FBN3: variants seen among roughly 807,000 people sequenced by gnomAD.
FBN3 encodes fibrillin 3.
A neutral mutation model predicts 330.1 loss-of-function variants in FBN3; 234 were observed. The ratio of observed to expected loss-of-function variants is 0.71; its 90% CI spans 0.64 to 0.79. The LOEUF (loss-of-function observed/expected upper bound fraction) is 0.79. Among genes scored for constraint, FBN3 ranks in the 30% least tolerant of loss-of-function variants. The pLI, the probability that FBN3 is intolerant of heterozygous loss-of-function variation, is 0.00. For synonymous variants in FBN3, 1,458 were observed against 1,517.3 expected (o/e 0.96, Z 0.91); for missense variants, 3,606 against 3,886.9 (o/e 0.93, Z 1.92).
Position 8,112,048 on chromosome 19 carries a change from C to T in FBN3, c.3890G>A (p.Cys1297Tyr), listed in dbSNP as rs2082600336. The change falls in exon 31 of 64, where the codon TGT becomes TAT. Residue 1297 changes from cysteine to tyrosine, a missense_variant. Cys to Tyr is a radical substitution (Grantham distance 194). Transcript: ENST00000600128. ...GGHNCDSHAS[C>Y]LNIPGSFSCR... is the part of the protein sequence containing the mutation. ...GCTGAAACTCCCCGGGATGTTGAGA[C>T]AGGAGGCGTGACTGTCACAGTTGTG... is the stretch of plus-strand genomic sequence containing the variant. The T allele has an allele frequency of 1.9e-6, 3 of 1,613,286 alleles. No individual in the cohort carries two copies. Among genetic ancestry groups the T allele is most frequent in the East Asian group, 2.2e-5 (1 of 44,856 alleles).
At chr19:8,130,639 A>AGGAAGGAAGGAAGGAAAGGAAAG (rs58509229) in intron 16 of FBN3, among the ~76,000 whole-genome samples, 1 of 3,960 alleles carries the variant, frequency 2.5e-4, no homozygotes, top group African/African-American at 2.1e-3. Flanking sequence ...AAAGAAAGAA[A>AGGAAGGAAGGAAGGAAAGGAAAG]GAAAGGAAAG....
At chr19:8,111,487 C>G (rs1599368022) in intron 32 of FBN3, among the ~76,000 whole-genome samples, 161 bp downstream of exon 32, 1 of 152,088 alleles carries the variant, frequency 6.6e-6, no homozygotes, top group African/African-American at 2.4e-5. Flanking sequence ...GTGGGCAGGC[C>G]GCAGCACCGC....
chr19:8,129,656 G>GT lies in FBN3; in HGVS notation c.2045-292dup, dbSNP rs2083080048. 6.6e-6 allele frequency among the ~76,000 whole-genome samples: 1 copy of GT among 152,128 alleles called. No individual in the cohort carries two copies. The highest frequency in any genetic ancestry group is 2.4e-5 in the African/African-American group (1 of 41,428). On this transcript the variant is annotated intron_variant, in intron 16 of 63. Coordinates refer to ENST00000600128, the MANE Select transcript of FBN3 (RefSeq NM_032447.5). The surrounding 1 kb of genome is among the most constrained non-coding windows in gnomAD (Gnocchi z 4.5). Reference sequence around the variant, plus strand: ...GATGTCAGTAGCACCCACCGCCCCAGTATTACTCCAGACATTGTCAAATGA... The same window carrying GT: ...GATGTCAGTAGCACCCACCGCCCCAGTTATTACTCCAGACATTGTCAAATGA...
rs1555755904 is a variant in FBN3 at position 8,141,384 on chromosome 19, A to AAG, written c.865+331_865+332dup. 3.7e-4 allele frequency among the ~76,000 whole-genome samples: 54 copies of AAG among 146,582 alleles called. 1 individual carries two copies. The highest frequency in any genetic ancestry group is 1.1e-3 in the African/African-American group (44 of 38,834). On this transcript the variant is annotated intron_variant, in intron 8 of 63. Coordinates refer to ENST00000600128, the MANE Select transcript of FBN3 (RefSeq NM_032447.5). ...CTGTCTCAAAAAAAAAAAAAAAAAA[A>AAG]AGAGAGAGACAGACAGCTGAACAAG...
intron 63 of FBN3, among the ~76,000 whole-genome samples, chr19:8,071,368 T>A (rs763273700): frequency 2.6e-5 from 4 of 152,144 alleles, no homozygotes; most frequent in Non-Finnish European, 5.9e-5. Flanking sequence ...GTTCAGGAAC[T>A]CCAGGAGCAC....
chr19:8,087,324 C>A (rs1249322920), intron 53 of FBN3, 113 bp from the exon 54 acceptor site: 2 of 1,192,208 alleles, frequency 1.7e-6, no homozygotes, highest in Admixed American at 6.3e-5. Context: ...CCCTGCAGAC[C>A]CTGTCAAATG....
chr19:8,139,251 G>T (rs545292667), intron 8 of FBN3, among the ~76,000 whole-genome samples: 1 of 152,182 alleles, frequency 6.6e-6, no homozygotes, highest in Admixed American at 6.5e-5. Context: ...GGAGGCTGAG[G>T]CAGGAGAATC....
Position 8,083,251 on chromosome 19 carries a change from G to A in FBN3, c.7209C>T (p.Cys2403=). 1.2e-6 allele frequency: 2 copies of A among 1,614,038 alleles called. No homozygotes were observed. The highest frequency in any genetic ancestry group is 1.7e-6 in the Non-Finnish European group (2 of 1,180,028). Residue 2403 remains cysteine, a synonymous_variant, in exon 57 of 64, where the codon TGC becomes TGT. Transcript: ENST00000600128. ...GYTPDATATT[C]LDMDECSQVP... ...GGTGCAGAGGGCTGGGCTCACCCAGGCAGGTAGTAGCAGTAGCATCCGGTG... is the reference window on the plus strand; with the variant it reads ...GGTGCAGAGGGCTGGGCTCACCCAGACAGGTAGTAGCAGTAGCATCCGGTG...
chr19:8,125,331 T>C lies in FBN3; in HGVS notation c.2731+561A>G, dbSNP rs886277250. On this transcript the variant is annotated intron_variant, in intron 22 of 63. Transcript: ENST00000600128. ...CAGGAGATCAAGGTACAAAAATCAGTTGAACCCAGGAAGTGCAAGTTGTAG... is the reference window on the plus strand; with the variant it reads ...CAGGAGATCAAGGTACAAAAATCAGCTGAACCCAGGAAGTGCAAGTTGTAG... Among the ~76,000 whole-genome samples, 21 of 152,046 alleles carry C rather than the reference T, an allele frequency of 1.4e-4. 1 individual carries two copies. Among genetic ancestry groups the C allele is most frequent in the Non-Finnish European group, 3.1e-4 (21 of 68,006 alleles).
chr19:8,123,486 A>G lies in FBN3; in HGVS notation c.3060T>C (p.Asp1020=). Reference sequence around the variant, plus strand: ...TACCTGTGCAGTTCCGTTCCTGGGCATCCAGGGCGAAGCCCCCCGCACAGG... The same window carrying G: ...TACCTGTGCAGTTCCGTTCCTGGGCGTCCAGGGCGAAGCCCCCCGCACAGG... ...HCACAGGFAL[D]AQERNCTDID... is the part of the protein sequence containing the mutation. Residue 1020 remains aspartate (D), a synonymous_variant, in exon 24 of 64, where the codon GAT becomes GAC. Coordinates refer to ENST00000600128, the MANE Select transcript of FBN3 (RefSeq NM_032447.5). 1 of 1,614,004 alleles carries G rather than the reference A, an allele frequency of 6.2e-7. No individual in the cohort carries two copies. Among genetic ancestry groups the G allele is most frequent in the South Asian group, 1.1e-5 (1 of 91,034 alleles).
Position 8,106,133 on chromosome 19 carries a change from G to A in FBN3, c.4788C>T (p.Leu1596=), listed in dbSNP as rs763969477. 1 of 1,614,140 alleles carries A rather than the reference G, an allele frequency of 6.2e-7. No homozygotes were observed. The highest frequency in any genetic ancestry group is 8.5e-7 in the Non-Finnish European group (1 of 1,180,002). ...FQCECPPGYH[L]SEHTRICEDI... is the part of the protein sequence containing the mutation. Reference sequence around the variant, plus strand: ...CCTCACAGATGCGGGTGTGCTCACTGAGGTGGTAGCCAGGTGGGCACTCAC... The same window carrying A: ...CCTCACAGATGCGGGTGTGCTCACTAAGGTGGTAGCCAGGTGGGCACTCAC... The change falls in exon 38 of 64, where the codon CTC becomes CTT. Residue 1596 remains leucine, a synonymous_variant. Transcript: ENST00000600128.
chr19:8,113,129 T>C (rs2082627865), intron 30 of FBN3, among the ~76,000 whole-genome samples: 1 of 152,180 alleles, frequency 6.6e-6, no homozygotes, highest in Admixed American at 6.5e-5. Flanking sequence ...GAGTGTTCTT[T>C]TGAGAAGGCT....
intron 58 of FBN3, 54 bp downstream of exon 58, chr19:8,081,304 G>C: frequency 3.9e-6 from 6 of 1,558,096 alleles, no homozygotes; most frequent in Non-Finnish European, 5.2e-6. Flanking sequence ...CATCCCTTTG[G>C]GGCCCTAGAC....
Position 8,118,933 on chromosome 19 carries a change from CA to C in FBN3, c.3300del (p.His1102MetfsTer3), listed in dbSNP as rs780696015. On this transcript the variant is annotated frameshift_variant, in exon 26 of 64. Transcript: ENST00000600128. LOFTEE classifies it high-confidence loss of function. ...TDGSYKCQCP[P>X]GHELTAKGTA... is the part of the protein sequence containing the mutation. The stretch of plus-strand genomic sequence containing the variant: ...GTGCCCTTGGCCGTCAGCTCATGCC[CA>C]GGGGGACACTGGCACTTGTAGCTCC... 1.2e-6 allele frequency: 2 copies of C among 1,613,266 alleles called. No homozygotes were observed. The highest frequency in any genetic ancestry group is 2.7e-5 in the African/African-American group (2 of 74,934).
rs2081916835 is a variant in FBN3 at position 8,085,391 on chromosome 19, A to T, written c.7059T>A (p.His2353Gln). The T allele has an allele frequency of 2.5e-6, 4 of 1,581,394 alleles. No homozygotes were observed. Among genetic ancestry groups the T allele is most frequent in the Non-Finnish European group, 3.4e-6 (4 of 1,166,788 alleles). ...GGCCCTCAGCAGTGTAGCCTGAGCC[A>T]TGGGGGCACAGCTTCCTGTAGGCAG... ...GTSAYRKLCP[H>Q]GSGYTAEGRD... Residue 2353 changes from histidine (H) to glutamine (Q), a missense_variant, in exon 56 of 64, where the codon CAT becomes CAA. Physicochemically the swap from His to Gln is conservative, Grantham distance 24. Transcript: ENST00000600128.
In FBN3 at chr19:8,096,700, C is replaced by T; in HGVS notation, c.5414-131G>A. 5 of 1,375,430 alleles carry T rather than the reference C, an allele frequency of 3.6e-6. No homozygotes were observed. In the South Asian group the frequency reaches 5.4e-5, roughly 15 times the overall value. 85.2% of individuals were successfully genotyped at this position (1,375,430 alleles called of 1,614,324 possible). A position where few individuals can be genotyped will look rare whatever the true frequency, so the allele number is the denominator to read the frequency against. On this transcript the variant is annotated intron_variant, in intron 43 of 63. Transcript: ENST00000600128. The surrounding 1 kb of genome is among the most constrained non-coding windows in gnomAD (Gnocchi z 4.6). ...TCAAACTTCCACCAGGGGCGTCAGGCTGTCTGCATGGACCTGAGCTCTCAC... is the reference window on the plus strand; with the variant it reads ...TCAAACTTCCACCAGGGGCGTCAGGTTGTCTGCATGGACCTGAGCTCTCAC...
rs372213878 is a variant in FBN3, at chr19:8,086,220, G to C, written c.6860C>G (p.Pro2287Arg). ...CTCACCGTGGCACTCGGTAAGGGTGGGGCTGGGCTGGAATCCCTCATCACA... is the reference window on the plus strand; with the variant it reads ...CTCACCGTGGCACTCGGTAAGGGTGCGGCTGGGCTGGAATCCCTCATCACA... ...CDCDEGFQPS[P>R]TLTECHDIRQ... Residue 2287 changes from proline to arginine, a missense_variant, in exon 55 of 64, where the codon CCC (proline) becomes CGC (arginine). By Grantham distance (103) the Pro-to-Arg change is moderately radical. Transcript: ENST00000600128. 1 of 1,608,900 alleles carries C rather than the reference G, an allele frequency of 6.2e-7. No homozygotes were observed. Among genetic ancestry groups the C allele is most frequent in the Non-Finnish European group, 8.5e-7 (1 of 1,177,082 alleles).
chr19:8,126,870 G>A (rs368840820), intron 18 of FBN3, 38 bp from the exon 19 acceptor site: 3 of 1,516,224 alleles, frequency 2.0e-6, no homozygotes, highest in South Asian at 1.3e-5. Context: ...TGAGCTGCAG[G>A]AGGAGTTGCC....
At chr19:8,092,711 A>C (rs959532641) in intron 47 of FBN3, among the ~76,000 whole-genome samples, 4,671 of 114,828 alleles carry the variant, frequency 0.041, 293 homozygotes, top group African/African-American at 0.13. Context: ...CTCCACCAAA[A>C]AAAAAAAAAA....
Sources: gnomAD v4.1 joint callset for allele counts (sites outside exome capture counted in the v4.1 genomes callset) on GRCh38, gnomAD v4.1.1 for gene constraint, Gnocchi (gnomAD v3.1) non-coding constraint, MANE v1.5 for transcripts, NCBI Gene and HGNC (gene_info 2026-07-23, HGNC 2026-07-21) for gene names.